The following HECW1 variants were observed in gnomAD, a reference collection of about 807,000 sequenced individuals.
HECW1 encodes the protein E3 ubiquitin-protein ligase HECW1.
Under a neutral mutation model 182.3 loss-of-function variants are expected in HECW1, and 61 were observed. The observed-to-expected ratio is 0.33, with a 90% CI of 0.27 to 0.41. HECW1 has a LOEUF of 0.41. Ranked by LOEUF, HECW1 falls within the 10% of genes least tolerant of loss-of-function variation. The probability of loss-of-function intolerance (pLI) is 1.00; values close to 1 mark genes in which losing one functional copy is unlikely to be tolerated. For missense variants in HECW1, 1,739 were observed against 2,108.9 expected (o/e 0.82, Z 3.44); for synonymous variants, 859 against 832.6 (o/e 1.03, Z -0.55).
At chr7:43,512,577 A>G (rs2079930060) in intron 24 of HECW1, among the ~76,000 whole-genome samples, 1 of 152,250 alleles carries the variant, frequency 6.6e-6, no homozygotes, top group African/African-American at 2.4e-5. Context: ...CATAATCATT[A>G]ATAAAAATTA....
chr7:43,320,590 G>A, intron 4 of HECW1, 45 bp from the exon 5 acceptor site: 1 of 1,298,978 alleles, frequency 7.7e-7, no homozygotes, highest in South Asian at 1.2e-5. Context: ...ATATGCTGTT[G>A]ACTGATATGT....
chr7:43,330,598 T>C (rs970866496), intron 5 of HECW1, among the ~76,000 whole-genome samples: 32 of 152,174 alleles, frequency 2.1e-4, no homozygotes, highest in African/African-American at 7.7e-4. Flanking sequence ...AAGGATGTCA[T>C]CAATATGACC....
chr7:43,237,013 A>G (rs1418916699), intron 2 of HECW1, among the ~76,000 whole-genome samples: 1 of 146,792 alleles, frequency 6.8e-6, no homozygotes, highest in Non-Finnish European at 1.5e-5. Flanking sequence ...ACTATACCCA[A>G]TGATTAATTT....
At chr7:43,154,066 A>G (rs1187759292) in intron 2 of HECW1, among the ~76,000 whole-genome samples, 1 of 152,190 alleles carries the variant, frequency 6.6e-6, no homozygotes, top group Non-Finnish European at 1.5e-5. Flanking sequence ...TTGGATTTGC[A>G]AATAATGAAT....
At chr7:43,163,026 T>C (rs1790718414) in intron 2 of HECW1, 1 of 152,246 alleles carries the variant, frequency 6.6e-6, no homozygotes, top group Non-Finnish European at 1.5e-5. Context: ...AAATCCTGTG[T>C]GACTATGAAA....
intron 6 of HECW1, among the ~76,000 whole-genome samples, chr7:43,372,815 A>G (rs2074164990): frequency 6.6e-6 from 1 of 152,146 alleles, no homozygotes; most frequent in African/African-American, 2.4e-5. Flanking sequence ...AAAGGGAAAG[A>G]ATGTTGGCAT....
chr7:43,377,508 C>A (rs1301626548), intron 6 of HECW1, among the ~76,000 whole-genome samples: 1 of 151,802 alleles, frequency 6.6e-6, no homozygotes, highest in African/African-American at 2.4e-5. Flanking sequence ...TGAAAGTGTC[C>A]CTGGATTTAA....
chr7:43,132,538 C>T (rs917000708), intron 2 of HECW1, among the ~76,000 whole-genome samples: 1 of 150,752 alleles, frequency 6.6e-6, no homozygotes, highest in Non-Finnish European at 1.5e-5. Context: ...CTCTCTCTTT[C>T]TCTCTTTCTC....
chr7:43,260,659 G>A (rs1013512237), intron 3 of HECW1, among the ~76,000 whole-genome samples: 2 of 152,164 alleles, frequency 1.3e-5, no homozygotes, highest in Admixed American at 6.5e-5. Context: ...TGGACTAGTT[G>A]ATGGTATCTG....
At chr7:43,360,098 CA>C (rs1815674458) in intron 5 of HECW1, among the ~76,000 whole-genome samples, 1 of 152,138 alleles carries the variant, frequency 6.6e-6, no homozygotes, top group Non-Finnish European at 1.5e-5. Context: ...CCTATTTTAA[CA>C]GGGGGTACAG....
chr7:43,401,941 G>A (rs1204563487), intron 7 of HECW1, among the ~76,000 whole-genome samples: 5 of 151,894 alleles, frequency 3.3e-5, no homozygotes, highest in African/African-American at 4.8e-5. Flanking sequence ...CAGAAGAGTG[G>A]CACGGCAGAG....
intron 2 of HECW1, among the ~76,000 whole-genome samples, chr7:43,199,004 C>G (rs943614382): frequency 1.4e-4 from 22 of 152,198 alleles, no homozygotes; most frequent in Admixed American, 4.6e-4. Flanking sequence ...ATTTGCCTTC[C>G]CAGTTCCAAA....
At chr7:43,210,261 G>A (rs1386574322) in intron 2 of HECW1, among the ~76,000 whole-genome samples, 3 of 152,084 alleles carry the variant, frequency 2.0e-5, no homozygotes, top group African/African-American at 7.2e-5. Context: ...TGCCCAAAAC[G>A]AACTTATTGT....
intron 29 of HECW1, among the ~76,000 whole-genome samples, chr7:43,555,939 G>A (rs1360934978): frequency 6.6e-6 from 1 of 152,342 alleles, no homozygotes; most frequent in South Asian, 2.1e-4. Flanking sequence ...TAGTTATTTG[G>A]AAACATCTTG....
chr7:43,562,150 G>A lies in HECW1; in HGVS notation c.*224G>A, dbSNP rs950064326. ...TCTGTTTTCAATGAACTGCTAGCCTGTATGCAATATTAAAAAACAGCTGTC... is the reference window on the plus strand; with the variant it reads ...TCTGTTTTCAATGAACTGCTAGCCTATATGCAATATTAAAAAACAGCTGTC... On this transcript the variant is annotated 3_prime_UTR_variant, in exon 30 of 30. Transcript: ENST00000395891. 2.3e-5 allele frequency: 11 copies of A among 480,442 alleles called. No individual in the cohort carries two copies. The highest frequency in any genetic ancestry group is 1.1e-4 in the Admixed American group (3 of 26,272). The allele number at this position is 480,442 out of a possible 1,614,324, so 29.8% of individuals were successfully genotyped here. A position where few individuals can be genotyped will look rare whatever the true frequency, so the allele number is the denominator to read the frequency against.
chr7:43,250,143 A>G (rs1011378168), intron 3 of HECW1, among the ~76,000 whole-genome samples: 7 of 151,450 alleles, frequency 4.6e-5, no homozygotes, highest in Admixed American at 2.0e-4. Context: ...ACGCGCACAC[A>G]CACATACACA....
chr7:43,370,851 TAGG>T (rs1817250593), intron 6 of HECW1, among the ~76,000 whole-genome samples: 1 of 151,596 alleles, frequency 6.6e-6, no homozygotes, highest in African/African-American at 2.4e-5. Context: ...GAAGGATGAA[TAGG>T]AGGATCACAG....
chr7:43,354,614 GA>G (rs1462705053), intron 5 of HECW1, among the ~76,000 whole-genome samples: 1 of 151,430 alleles, frequency 6.6e-6, no homozygotes, highest in South Asian at 2.1e-4. Flanking sequence ...ACGCAGAGGA[GA>G]AAAAAGAAAA....
At chr7:43,321,650 A>G (rs908537900) in intron 5 of HECW1, among the ~76,000 whole-genome samples, 2 of 152,232 alleles carry the variant, frequency 1.3e-5, no homozygotes, top group Non-Finnish European at 2.9e-5. Context: ...AAATGGAGTG[A>G]TCTGTTATTC....
Sources: gnomAD v4.1 joint callset for allele counts (sites outside exome capture counted in the v4.1 genomes callset) on GRCh38, gnomAD v4.1.1 for gene constraint, MANE v1.5 for transcripts, NCBI Gene and HGNC (gene_info 2026-07-23, HGNC 2026-07-21) for gene names.